The following BAZ2B variants were observed in gnomAD, a reference collection of about 807,000 sequenced individuals.
BAZ2B encodes bromodomain adjacent to zinc finger domain protein 2B.
Under a neutral mutation model 246.0 loss-of-function variants are expected in BAZ2B, and 91 were observed. The observed-to-expected ratio is 0.37, with a 90% CI of 0.31 to 0.44. The LOEUF is 0.44. Among genes scored for constraint, BAZ2B ranks in the 20% least tolerant of loss-of-function variants. The probability of loss-of-function intolerance (pLI) is 1.00; values close to 1 mark genes in which losing one functional copy is unlikely to be tolerated. For synonymous variants in BAZ2B, 855 were observed against 860.0 expected (o/e 0.99, Z 0.10); for missense variants, 2,332 against 2,533.7 (o/e 0.92, Z 1.71).
At chr2:159,676,647 G>GCGCACACA in the BAZ2B span, among the ~76,000 whole-genome samples, 1 of 132,544 alleles carries the variant, frequency 7.5e-6, no homozygotes, top group Non-Finnish European at 1.6e-5. Flanking sequence ...GTATCTAAAT[G>GCGCACACA]CACACACACA....
chr2:159,702,416 A>G, the BAZ2B span, among the ~76,000 whole-genome samples: 1 of 152,212 alleles, frequency 6.6e-6, no homozygotes, highest in Non-Finnish European at 1.5e-5. Context: ...TTATAAAGAC[A>G]AATTTTCATC....
At chr2:159,367,609 G>C (rs2149352630) in intron 27 of BAZ2B, among the ~76,000 whole-genome samples, 1 of 152,132 alleles carries the variant, frequency 6.6e-6, no homozygotes, top group South Asian at 2.1e-4. Context: ...TAAGCAGCTG[G>C]GCACAGTGGC....
At chr2:159,590,230 A>C (rs1242089764) in intron 1 of BAZ2B, among the ~76,000 whole-genome samples, 3 of 104,064 alleles carry the variant, frequency 2.9e-5, no homozygotes, top group Non-Finnish European at 4.0e-5. Context: ...AAAAAAAAAA[A>C]ACAACCCAGC....
intron 16 of BAZ2B, among the ~76,000 whole-genome samples, chr2:159,403,653 A>T (rs986602833): frequency 3.3e-5 from 5 of 152,174 alleles, no homozygotes; most frequent in African/African-American, 1.2e-4. Context: ...CACAATTAAC[A>T]AACTAAGGAT....
At chr2:159,324,183 T>C (rs770281592) in intron 36 of BAZ2B, among the ~76,000 whole-genome samples, 2 of 152,148 alleles carry the variant, frequency 1.3e-5, no homozygotes, top group Non-Finnish European at 1.5e-5. Context: ...ATATATATTG[T>C]ATGAGTATCA....
At chr2:159,398,725 G>C in intron 18 of BAZ2B, 104 bp downstream of exon 18, 3 of 1,006,750 alleles carry the variant, frequency 3.0e-6, no homozygotes, top group Non-Finnish European at 4.3e-6. Context: ...CATATTTTCA[G>C]ATAGTCATTT....
At chr2:159,453,303 A>G (rs996902103) in intron 4 of BAZ2B, among the ~76,000 whole-genome samples, 22 of 152,182 alleles carry the variant, frequency 1.4e-4, no homozygotes, top group African/African-American at 5.3e-4. Flanking sequence ...CATTTACACT[A>G]TGTATACTTT....
intron 1 of BAZ2B, among the ~76,000 whole-genome samples, chr2:159,565,073 G>A (rs2090238358): frequency 6.6e-6 from 1 of 152,116 alleles, no homozygotes; most frequent in South Asian, 2.1e-4. Flanking sequence ...GTTTCACCAT[G>A]TTGGCCAGGC....
intron 3 of BAZ2B, among the ~76,000 whole-genome samples, chr2:159,455,985 T>C (rs761610010): frequency 2.2e-4 from 33 of 152,076 alleles, no homozygotes; most frequent in Non-Finnish European, 3.5e-4. Context: ...CATCAATTTG[T>C]GTGGTAAGCA....
intron 13 of BAZ2B, among the ~76,000 whole-genome samples, chr2:159,427,631 C>A (rs1236240028): frequency 2.0e-5 from 3 of 152,040 alleles, no homozygotes; most frequent in Non-Finnish European, 2.9e-5. Context: ...TTTCAGAAAA[C>A]TAATGTTTTC....
chr2:159,369,897 C>T (rs547189861), intron 27 of BAZ2B, among the ~76,000 whole-genome samples: 1 of 152,236 alleles, frequency 6.6e-6, no homozygotes, highest in Admixed American at 6.5e-5. Context: ...AATGGGATGG[C>T]TGGGTCAAAT....
intron 1 of BAZ2B, chr2:159,615,565 T>G (rs1286429234): frequency 7.1e-6 from 1 of 140,566 alleles, no homozygotes; most frequent in African/African-American, 2.7e-5. Context: ...AGCCGGGGAG[T>G]GGGGGTGGCA....
intron 36 of BAZ2B, among the ~76,000 whole-genome samples, chr2:159,322,613 T>A (rs746661381): frequency 6.6e-6 from 1 of 152,034 alleles, no homozygotes; most frequent in Non-Finnish European, 1.5e-5. Flanking sequence ...TTAGGGAGAG[T>A]GGAGTCCAGG....
intron 2 of BAZ2B, among the ~76,000 whole-genome samples, chr2:159,520,278 A>G (rs1419406077): frequency 6.6e-6 from 1 of 152,146 alleles, no homozygotes; most frequent in East Asian, 1.9e-4. Flanking sequence ...TCTGCCTCCC[A>G]AAGATCCTAA....
chr2:159,527,146 C>A (rs1248358600), intron 2 of BAZ2B, among the ~76,000 whole-genome samples: 1 of 152,006 alleles, frequency 6.6e-6, no homozygotes, highest in Non-Finnish European at 1.5e-5. Flanking sequence ...TGGGTTCAAG[C>A]AAGAGTTCAA....
At chr2:159,536,956 C>G (rs1190555913) in intron 2 of BAZ2B, among the ~76,000 whole-genome samples, 2 of 152,068 alleles carry the variant, frequency 1.3e-5, no homozygotes, top group Non-Finnish European at 2.9e-5. Context: ...ATAAAAATAT[C>G]ACTTTAAAAT....
chr2:159,578,599 C>T (rs1323459635), intron 1 of BAZ2B, among the ~76,000 whole-genome samples: 4 of 152,138 alleles, frequency 2.6e-5, no homozygotes, highest in Non-Finnish European at 5.9e-5. Flanking sequence ...CAGAACTCTC[C>T]ACCCCAAATC....
chr2:159,567,595 C>A (rs949983047), intron 1 of BAZ2B, among the ~76,000 whole-genome samples: 2 of 152,142 alleles, frequency 1.3e-5, no homozygotes. Context: ...GAATGTTGCA[C>A]ATTATTTTAA....
the BAZ2B span, among the ~76,000 whole-genome samples, chr2:159,708,017 A>G: frequency 3.9e-5 from 6 of 151,960 alleles, no homozygotes; most frequent in Non-Finnish European, 8.8e-5. Flanking sequence ...AAAAAAATAA[A>G]ATATAGCTGT....
Sources: gnomAD v4.1 joint callset for allele counts (sites outside exome capture counted in the v4.1 genomes callset) on GRCh38, gnomAD v4.1.1 for gene constraint, MANE v1.5 for transcripts, NCBI Gene and HGNC (gene_info 2026-07-23, HGNC 2026-07-21) for gene names.